The following IQGAP2 variants were observed in gnomAD, a reference collection of about 807,000 sequenced individuals.
IQGAP2 encodes the protein ras GTPase-activating-like protein IQGAP2.
A neutral mutation model predicts 201.3 loss-of-function variants in IQGAP2; 173 were observed. The observed-to-expected ratio is 0.86, with a 90% CI of 0.76 to 0.98. The LOEUF (loss-of-function observed/expected upper bound fraction) is 0.98, where lower values mean the gene tolerates loss of function less well. IQGAP2 is among the 50% of genes least tolerant of loss of function. The pLI is 0.00. For missense variants in IQGAP2, 1,687 were observed against 1,864.8 expected (o/e 0.90, Z 1.76); for synonymous variants, 675 against 673.9 (o/e 1.00, Z -0.03).
intron 13 of IQGAP2, among the ~76,000 whole-genome samples, chr5:76,626,774 G>A (rs1311572369): frequency 2.6e-5 from 4 of 152,160 alleles, no homozygotes; most frequent in Non-Finnish European, 5.9e-5. Flanking sequence ...TTGAGGGAGA[G>A]AGTGTTTGAC....
Position 76,410,087 on chromosome 5 carries a change from C to T in IQGAP2, c.46+6496C>T, listed in dbSNP as rs530424998. Reference sequence around the variant, plus strand: ...CAAAGTATCGTGATGAATGAAACACCGCTTAGCTGCTGACAGCTTACCAGA... The same window carrying T: ...CAAAGTATCGTGATGAATGAAACACTGCTTAGCTGCTGACAGCTTACCAGA... On this transcript the variant is annotated intron_variant, in intron 1 of 35. Transcript: ENST00000274364. Among the ~76,000 whole-genome samples, 7 of 152,266 alleles carry T rather than the reference C, an allele frequency of 4.6e-5. No homozygotes were observed. The South Asian group carries it at 8.3e-4, about 18-fold the overall frequency.
chr5:76,446,006 A>G (rs1210823865), intron 1 of IQGAP2, among the ~76,000 whole-genome samples: 1 of 152,316 alleles, frequency 6.6e-6, no homozygotes, highest in East Asian at 1.9e-4. Flanking sequence ...ACACTGTAGC[A>G]TGTGTCAGTA....
chr5:76,412,170 T>C (rs1751163401), intron 1 of IQGAP2, among the ~76,000 whole-genome samples: 1 of 152,214 alleles, frequency 6.6e-6, no homozygotes, highest in African/African-American at 2.4e-5. Flanking sequence ...AAACTACCAA[T>C]CTGTTTAATT....
At chr5:76,596,681 C>T (rs942422519) in intron 9 of IQGAP2, among the ~76,000 whole-genome samples, 3 of 152,186 alleles carry the variant, frequency 2.0e-5, no homozygotes, top group African/African-American at 7.2e-5. Context: ...ATGCCCAAAG[C>T]AGGAGGAATA....
intron 1 of IQGAP2, among the ~76,000 whole-genome samples, chr5:76,436,679 T>C (rs10037366): frequency 0.85 from 126,770 of 149,194 alleles, 54,350 homozygotes; most frequent in Non-Finnish European, 0.9. Flanking sequence ...TACAGGTGTG[T>C]GCCACCATGC....
At chr5:76,404,044 C>A (rs563120340) in intron 1 of IQGAP2, among the ~76,000 whole-genome samples, 2 of 152,336 alleles carry the variant, frequency 1.3e-5, no homozygotes, top group African/African-American at 4.8e-5. Flanking sequence ...CGCCGGCGCA[C>A]TCTGCTAGTG....
Position 76,403,984 on chromosome 5 carries a change from G to C in IQGAP2, c.46+393G>C, listed in dbSNP as rs532866735. On this transcript the variant is annotated intron_variant, in intron 1 of 35. Transcript: ENST00000274364. This position sits in a 1 kb window ranked among gnomAD's most constrained non-coding sequence, Gnocchi z 4.8. ...GGCACCGGATTCTTCCAACCCAGAA[G>C]GGGAGGAAAGTTTGTTTGCTGTGGC... Among the ~76,000 whole-genome samples the C allele has an allele frequency of 6.6e-6, 1 of 152,196 alleles. No homozygotes were observed. Among genetic ancestry groups the C allele is most frequent in the Non-Finnish European group, 1.5e-5 (1 of 68,030 alleles).
chr5:76,596,142 G>A (rs1292131704), intron 9 of IQGAP2, among the ~76,000 whole-genome samples: 4 of 152,140 alleles, frequency 2.6e-5, no homozygotes, highest in African/African-American at 4.8e-5. Context: ...AATATTGAGG[G>A]AAGATCCTCG....
intron 2 of IQGAP2, among the ~76,000 whole-genome samples, chr5:76,514,834 C>T (rs1758208578): frequency 6.6e-6 from 1 of 152,170 alleles, no homozygotes; most frequent in Non-Finnish European, 1.5e-5. Context: ...TTTTGAATCA[C>T]CTGGAGTGCT....
At chr5:76,609,356 C>G in intron 12 of IQGAP2, 1 of 844,194 alleles carries the variant, frequency 1.2e-6, no homozygotes. Context: ...CTTAGACTTT[C>G]CAGAGTTCTG....
Position 76,640,948 on chromosome 5 carries a change from G to A in IQGAP2, c.1939G>A (p.Val647Ile). 1 of 1,588,822 alleles carries A rather than the reference G, an allele frequency of 6.3e-7. No individual in the cohort carries two copies. The highest frequency in any genetic ancestry group is 8.6e-7 in the Non-Finnish European group (1 of 1,160,506). ...GKEIEDIIEE[V>I]TVGYIRENIW... The stretch of plus-strand genomic sequence containing the variant: ...CTCTTGCCAGGACATTATTGAGGAA[G>A]TCACAGTAGGTTACATTCGTGAGAA... Residue 647 changes from valine to isoleucine, a missense_variant, in exon 17 of 36, where the codon GTC becomes ATC. By Grantham distance (29) the Val-to-Ile change is conservative (BLOSUM62 3). Coordinates refer to ENST00000274364, the MANE Select transcript of IQGAP2 (RefSeq NM_006633.5).
chr5:76,490,503 G>A (rs1310628310), intron 2 of IQGAP2, among the ~76,000 whole-genome samples: 4 of 152,116 alleles, frequency 2.6e-5, no homozygotes, highest in Non-Finnish European at 5.9e-5. Context: ...CCTTTGTTTG[G>A]AATGCTTTTA....
chr5:76,608,963 C>A, intron 12 of IQGAP2: 1 of 812,012 alleles, frequency 1.2e-6, no homozygotes, highest in Admixed American at 2.6e-5. Flanking sequence ...GGACCGTGGG[C>A]TGAGTGAAGC....
intron 1 of IQGAP2, among the ~76,000 whole-genome samples, chr5:76,450,832 A>G (rs1485845433): frequency 6.6e-6 from 1 of 152,174 alleles, no homozygotes; most frequent in Non-Finnish European, 1.5e-5. Flanking sequence ...ATCACATTGA[A>G]ATATATTCTT....
At chr5:76,660,257 A>G (rs1743136164) in intron 21 of IQGAP2, 1 of 152,230 alleles carries the variant, frequency 6.6e-6, no homozygotes, top group Non-Finnish European at 1.5e-5. Flanking sequence ...AATAAGAAAA[A>G]CAGCATTTTA....
intron 12 of IQGAP2, chr5:76,609,360 A>G: frequency 1.2e-6 from 1 of 803,538 alleles, no homozygotes. Context: ...GACTTTCCAG[A>G]GTTCTGTCAA....
chr5:76,499,032 G>A (rs897567266), intron 2 of IQGAP2, among the ~76,000 whole-genome samples: 35 of 152,232 alleles, frequency 2.3e-4, no homozygotes, highest in African/African-American at 8.2e-4. Flanking sequence ...TTAGCAATTC[G>A]TTTAGTGAAG....
intron 17 of IQGAP2, among the ~76,000 whole-genome samples, chr5:76,645,344 T>C (rs1359998483): frequency 5.3e-5 from 8 of 152,244 alleles, no homozygotes; most frequent in African/African-American, 1.9e-4. Context: ...GAATGATTTA[T>C]ATCCTTTGGG....
At position 76,420,537 on chromosome 5, in the gene IQGAP2, G is replaced by A. The variant is rs112901409; in HGVS notation, c.46+16946G>A. ...ATTACAGGTGCCTGCCACCACGCCC[G>A]GCTAATTTTTTGGATTTTTAGTATA... On this transcript the variant is annotated intron_variant, in intron 1 of 35. Coordinates refer to ENST00000274364, the MANE Select transcript of IQGAP2 (RefSeq NM_006633.5). 2.0e-3 allele frequency among the ~76,000 whole-genome samples: 303 copies of A among 151,906 alleles called. 1 individual carries two copies. The highest frequency in any genetic ancestry group is 6.8e-3 in the African/African-American group (283 of 41,442).
Sources: allele counts gnomAD v4.1 joint callset (sites outside exome capture counted in the v4.1 genomes callset), GRCh38; gene constraint gnomAD v4.1.1; non-coding constraint Gnocchi (gnomAD v3.1); transcripts MANE v1.5; gene names NCBI Gene and HGNC (gene_info 2026-07-23, HGNC 2026-07-21).